The following WDR43 variants were observed in gnomAD, a reference collection of about 807,000 sequenced individuals.
The protein encoded by WDR43 is WD repeat domain 43, also known as WD repeat-containing protein 43.
WDR43 carries 13 observed loss-of-function variants against 91.4 expected under a neutral mutation model. The ratio of observed to expected loss-of-function variants is 0.14; its 90% confidence interval spans 0.09 to 0.23. The LOEUF is 0.23. Ranked by LOEUF, WDR43 falls within the 10% of genes least tolerant of loss-of-function variation. The probability of loss-of-function intolerance (pLI) is 1.00; values close to 1 mark genes in which losing one functional copy is unlikely to be tolerated. For missense variants in WDR43, 780 were observed against 809.4 expected (o/e 0.96, Z 0.44); for synonymous variants, 331 against 287.9 (o/e 1.15, Z -1.51).
In WDR43 at chr2:28,934,590, G is replaced by A. The variant is rs916611733; in HGVS notation, c.1438-931G>A. Among the ~76,000 whole-genome samples the A allele has an allele frequency of 7.9e-5, 12 of 152,212 alleles. No individual in the cohort carries two copies. The South Asian group carries it at 1.5e-3, about 18-fold the overall frequency. ...ATCATTTCACTTAGTTTGGGATAAC[G>A]TATTTTTATTTGCTGATTTTAAATT... On this transcript the variant is annotated intron_variant, in intron 11 of 17. Transcript: ENST00000407426.
chr2:28,927,377 TCA>T (rs1007278292), intron 9 of WDR43, 190 bp from the exon 10 acceptor site: 4 of 668,116 alleles, frequency 6.0e-6, no homozygotes, highest in East Asian at 3.0e-5. Flanking sequence ...AGCTTTAAAT[TCA>T]CAGTCTTTCA....
chr2:28,910,664 C>CGT (rs201339313), intron 3 of WDR43, among the ~76,000 whole-genome samples: 36 of 107,620 alleles, frequency 3.3e-4, no homozygotes, highest in African/African-American at 1.0e-3. Context: ...AGATAACGTG[C>CGT]GTGTGTGTGT....
At chr2:28,901,636 G>A (rs1446228033) in intron 1 of WDR43, among the ~76,000 whole-genome samples, 5 of 152,202 alleles carry the variant, frequency 3.3e-5, no homozygotes, top group Non-Finnish European at 7.3e-5. Flanking sequence ...TGGTTGGGGA[G>A]TGAAGGCTTC....
At chr2:28,896,128 A>G (rs1670476272) in intron 1 of WDR43, among the ~76,000 whole-genome samples, 2 of 152,226 alleles carry the variant, frequency 1.3e-5, no homozygotes, top group Admixed American at 1.3e-4. Flanking sequence ...TTAAAATTAC[A>G]GCGCTCTGCT....
At chr2:28,927,924 T>A in intron 10 of WDR43, 1 of 573,628 alleles carries the variant, frequency 1.7e-6, no homozygotes, top group Non-Finnish European at 2.8e-6. Flanking sequence ...AGGGTGCTGT[T>A]TTGGCCATTA....
chr2:28,909,315 T>G (rs569701063), intron 3 of WDR43, among the ~76,000 whole-genome samples: 1 of 152,204 alleles, frequency 6.6e-6, no homozygotes, highest in East Asian at 1.9e-4. Context: ...ATTTTTTATT[T>G]TTAGTAGAGG....
At chr2:28,895,727 G>A (rs1218505122) in intron 1 of WDR43, 1 of 152,176 alleles carries the variant, frequency 6.6e-6, no homozygotes, top group Non-Finnish European at 1.5e-5. Context: ...TTAGGGACCC[G>A]TGTCAGGTAA....
rs189061163 is a variant in WDR43 at position 28,927,271 on chromosome 2, G to T, written c.1174-298G>T. 5 of 464,716 alleles carry T rather than the reference G, an allele frequency of 1.1e-5. No homozygotes were observed. The East Asian group carries it at 2.0e-4, about 19-fold the overall frequency. 28.8% of individuals were successfully genotyped at this position (464,716 alleles called of 1,614,324 possible). On this transcript the variant is annotated intron_variant, in intron 9 of 17. Transcript: ENST00000407426. The stretch of plus-strand genomic sequence containing the variant: ...AAGCCAGTTGAATTTAGTAGTGGGG[G>T]CTTGTATACCAACGTTAGTGACACT...
chr2:28,899,706 A>G (rs991050665), intron 1 of WDR43, among the ~76,000 whole-genome samples: 1 of 152,206 alleles, frequency 6.6e-6, no homozygotes, highest in South Asian at 2.1e-4. Flanking sequence ...TTTGAAAAAT[A>G]TTTAGTATGG....
chr2:28,929,859 G>C (rs1343281753), intron 11 of WDR43, 149 bp downstream of exon 11: 1 of 865,182 alleles, frequency 1.2e-6, no homozygotes, highest in Non-Finnish European at 1.8e-6. Context: ...TGTATCACTT[G>C]GTGGCATTAT....
intron 14 of WDR43, among the ~76,000 whole-genome samples, chr2:28,938,621 G>C (rs1233007924): frequency 1.3e-5 from 2 of 151,852 alleles, no homozygotes; most frequent in African/African-American, 4.8e-5. Context: ...GTTTTTAGTG[G>C]ACAGTTGAAA....
rs1243192023 is a variant in WDR43 at position 28,894,692 on chromosome 2, A to C, written c.-7A>C. ...GAACACGTGGCTGCAGCGGGGCCAGAGCAGCAATGGCGGCGGGCGGCGGCG... is the reference window on the plus strand; with the variant it reads ...GAACACGTGGCTGCAGCGGGGCCAGCGCAGCAATGGCGGCGGGCGGCGGCG... On this transcript the variant is annotated 5_prime_UTR_variant, in exon 1 of 18. Transcript: ENST00000407426. 1.9e-6 allele frequency: 3 copies of C among 1,557,818 alleles called. No homozygotes were observed. Among genetic ancestry groups the C allele is most frequent in the East Asian group, 2.4e-5 (1 of 41,728 alleles).
intron 3 of WDR43, among the ~76,000 whole-genome samples, chr2:28,911,999 CAA>C (rs1670809818): frequency 1.3e-5 from 2 of 152,156 alleles, no homozygotes; most frequent in African/African-American, 2.4e-5. Context: ...TAACAAACAG[CAA>C]AGACTCCAGC....
rs561324389 is a variant in WDR43 at position 28,912,624 on chromosome 2, C to T, written c.520C>T (p.Leu174=). ...WKGDNSSVSS[L]CISPDGKMLL... ...AGGCGACAATAGCAGTGTCAGTTCC[C>T]TATGTATCAGCCCAGATGGAAAGAT... is the stretch of plus-strand genomic sequence containing the variant. The change falls in exon 4 of 18, where the codon CTA becomes TTA. Residue 174 remains leucine, a synonymous_variant. Transcript: ENST00000407426. 1 of 1,613,876 alleles carries T rather than the reference C, an allele frequency of 6.2e-7. No homozygotes were observed. The highest frequency in any genetic ancestry group is 8.5e-7 in the Non-Finnish European group (1 of 1,179,862).
At chr2:28,896,909 T>A (rs1258945052) in intron 1 of WDR43, among the ~76,000 whole-genome samples, 3 of 152,200 alleles carry the variant, frequency 2.0e-5, no homozygotes, top group Non-Finnish European at 4.4e-5. Flanking sequence ...TCGTTTTATC[T>A]GCACTGTCTC....
At chr2:28,902,722 T>G (rs1454150323) in intron 2 of WDR43, among the ~76,000 whole-genome samples, 3 of 152,230 alleles carry the variant, frequency 2.0e-5, no homozygotes, top group African/African-American at 7.2e-5. Flanking sequence ...TCTCTCTCCA[T>G]CCTTGTCTCC....
At chr2:28,895,199 G>C in intron 1 of WDR43, 1 of 317,560 alleles carries the variant, frequency 3.1e-6, no homozygotes, top group Non-Finnish European at 5.7e-6. Flanking sequence ...TTGACGGGCA[G>C]CCATGTTCGC....
At chr2:28,901,688 A>T (rs1011627401) in intron 1 of WDR43, among the ~76,000 whole-genome samples, 3 of 152,212 alleles carry the variant, frequency 2.0e-5, no homozygotes, top group African/African-American at 2.4e-5. Context: ...TGTTTCTGAG[A>T]AGTGGAAACA....
chr2:28,935,450 A>G, intron 11 of WDR43, 71 bp from the exon 12 acceptor site: 2 of 1,090,208 alleles, frequency 1.8e-6, no homozygotes, highest in East Asian at 4.9e-5. Context: ...ATTTTTACAG[A>G]CTTTTTTTTT....
Sources: gnomAD v4.1 joint callset for allele counts (sites outside exome capture counted in the v4.1 genomes callset) on GRCh38, gnomAD v4.1.1 for gene constraint, MANE v1.5 for transcripts, NCBI Gene and HGNC (gene_info 2026-07-23, HGNC 2026-07-21) for gene names.